DOCK3: variants seen among roughly 807,000 people sequenced by gnomAD.
The protein encoded by DOCK3 is dedicator of cytokinesis 3.
A neutral mutation model predicts 265.6 loss-of-function variants in DOCK3; 60 were observed. That is an observed-to-expected ratio of 0.23 (90% CI 0.18 to 0.28). The LOEUF (loss-of-function observed/expected upper bound fraction) is 0.28. Ranked by LOEUF, DOCK3 falls within the 10% of genes least tolerant of loss-of-function variation. The pLI is 1.00. For missense variants in DOCK3, 1,981 were observed against 2,594.3 expected, an observed-to-expected ratio of 0.76 and a Z score of 5.14; for synonymous variants, 881 against 938.0, an observed-to-expected ratio of 0.94 and a Z score of 1.11.
In DOCK3 at chr3:50,815,115, G is replaced by C. The variant is rs566159326; in HGVS notation, c.122-26560G>C. Reference sequence around the variant, plus strand: ...TGGGATTACAGGTGTGAGCCACCGCGCCCAGCCTCATTTTATTTTTATAGA... The same window carrying C: ...TGGGATTACAGGTGTGAGCCACCGCCCCCAGCCTCATTTTATTTTTATAGA... On this transcript the variant is annotated intron_variant, in intron 2 of 52. Transcript: ENST00000266037. Among the ~76,000 whole-genome samples, 53 of 152,102 alleles carry C rather than the reference G, an allele frequency of 3.5e-4. No individual in the cohort carries two copies. The Middle Eastern group carries it at 0.01, about 29-fold the overall frequency.
intron 5 of DOCK3, among the ~76,000 whole-genome samples, chr3:50,953,584 G>A (rs2108330247): frequency 6.6e-6 from 1 of 152,176 alleles, no homozygotes; most frequent in South Asian, 2.1e-4. Context: ...ACTGAAGAAT[G>A]TATTTCCTTA....
chr3:51,015,126 A>G (rs1041414855), intron 5 of DOCK3, among the ~76,000 whole-genome samples: 3 of 152,072 alleles, frequency 2.0e-5, no homozygotes, highest in African/African-American at 7.2e-5. Flanking sequence ...CCATTTCTTT[A>G]TCTCTGGTCT....
intron 6 of DOCK3, among the ~76,000 whole-genome samples, chr3:51,072,388 T>C (rs2081907544): frequency 2.0e-5 from 3 of 152,158 alleles, no homozygotes; most frequent in Admixed American, 2.0e-4. Flanking sequence ...CATCTGGATA[T>C]TTCTTAAACT....
intron 4 of DOCK3, among the ~76,000 whole-genome samples, chr3:50,894,417 A>G (rs998074543): frequency 6.6e-6 from 1 of 152,094 alleles, no homozygotes; most frequent in African/African-American, 2.4e-5. Context: ...CAGATAAACA[A>G]AAGCTGAGGG....
intron 3 of DOCK3, among the ~76,000 whole-genome samples, chr3:50,846,456 C>T (rs1269358950): frequency 6.6e-6 from 1 of 152,062 alleles, no homozygotes; most frequent in African/African-American, 2.4e-5. Context: ...GGATATCGGC[C>T]TATAGTTTTC....
chr3:51,296,538 G>A (rs981532510), intron 27 of DOCK3, among the ~76,000 whole-genome samples: 3 of 149,824 alleles, frequency 2.0e-5, no homozygotes, highest in Non-Finnish European at 4.4e-5. Flanking sequence ...GTGCAGTGGC[G>A]CGATCTCGGC....
intron 1 of DOCK3, among the ~76,000 whole-genome samples, chr3:50,753,073 A>G (rs1347981628): frequency 6.6e-6 from 1 of 152,176 alleles, no homozygotes; most frequent in African/African-American, 2.4e-5. Flanking sequence ...ATAACAAGAG[A>G]GGGAACAGAT....
intron 5 of DOCK3, among the ~76,000 whole-genome samples, chr3:50,966,351 G>T (rs1331584160): frequency 7.2e-5 from 11 of 152,006 alleles, no homozygotes; most frequent in Admixed American, 7.2e-4. Flanking sequence ...TAGATTGTAT[G>T]ATAGTTCTGT....
At chr3:51,001,859 T>C (rs753043608) in intron 5 of DOCK3, among the ~76,000 whole-genome samples, 1 of 152,174 alleles carries the variant, frequency 6.6e-6, no homozygotes, top group Non-Finnish European at 1.5e-5. Flanking sequence ...TCTCTCACTA[T>C]TGTTTTAATT....
chr3:50,907,071 T>C (rs1281358239), intron 4 of DOCK3, among the ~76,000 whole-genome samples: 6 of 152,080 alleles, frequency 3.9e-5, no homozygotes, highest in Admixed American at 1.3e-4. Flanking sequence ...TGGTTTTGAG[T>C]GAGTTTCTTA....
intron 12 of DOCK3, among the ~76,000 whole-genome samples, chr3:51,171,087 A>G (rs1353730527): frequency 4.0e-5 from 6 of 151,190 alleles, no homozygotes; most frequent in Non-Finnish European, 7.4e-5. Flanking sequence ...TCCTTTTGTT[A>G]ACTTTGAGCT....
chr3:50,954,977 T>C (rs1010465315), intron 5 of DOCK3, among the ~76,000 whole-genome samples: 1 of 152,186 alleles, frequency 6.6e-6, no homozygotes, highest in African/African-American at 2.4e-5. Context: ...AAGTCTTTAA[T>C]CCATCTTGAG....
At chr3:51,309,419 C>CA (rs1430068620) in intron 27 of DOCK3, among the ~76,000 whole-genome samples, 40 of 152,110 alleles carry the variant, frequency 2.6e-4, no homozygotes. Flanking sequence ...CCGTCTCCAC[C>CA]AAAAAAATAC....
intron 38 of DOCK3, among the ~76,000 whole-genome samples, chr3:51,347,706 T>A (rs1323129833): frequency 6.6e-6 from 1 of 152,232 alleles, no homozygotes; most frequent in Non-Finnish European, 1.5e-5. Context: ...GGGGATGGCA[T>A]TGAATCTATA....
At chr3:51,324,071 C>T (rs552432248) in intron 32 of DOCK3, among the ~76,000 whole-genome samples, 1 of 152,230 alleles carries the variant, frequency 6.6e-6, no homozygotes, top group African/African-American at 2.4e-5. Flanking sequence ...GAAGTTCTGG[C>T]CAGGGCAATC....
At chr3:50,711,845 A>G (rs1017865170) in intron 1 of DOCK3, among the ~76,000 whole-genome samples, 1 of 152,150 alleles carries the variant, frequency 6.6e-6, no homozygotes, top group Non-Finnish European at 1.5e-5. Flanking sequence ...TTTTAAAAGT[A>G]CTAATTTGAT....
chr3:51,366,456 A>G (rs2087178619), intron 49 of DOCK3, among the ~76,000 whole-genome samples: 2 of 151,810 alleles, frequency 1.3e-5, no homozygotes, highest in African/African-American at 4.8e-5. Flanking sequence ...GGATTCATTT[A>G]TTTTTGAAGG....
chr3:50,788,097 C>A (rs766321279), intron 2 of DOCK3: 1 of 754,214 alleles, frequency 1.3e-6, no homozygotes, highest in South Asian at 1.8e-5. Flanking sequence ...ATCTTGGTGT[C>A]CACAAACACA....
At chr3:51,357,403 C>T (rs547512801) in intron 44 of DOCK3, among the ~76,000 whole-genome samples, 1 of 152,278 alleles carries the variant, frequency 6.6e-6, no homozygotes, top group South Asian at 2.1e-4. Context: ...GTTAAGTGCC[C>T]TCCAAGAGGA....
Sources: allele counts gnomAD v4.1 joint callset (sites outside exome capture counted in the v4.1 genomes callset), GRCh38; gene constraint gnomAD v4.1.1; transcripts MANE v1.5; gene names NCBI Gene and HGNC (gene_info 2026-07-23, HGNC 2026-07-21).